The following KIAA1549L variants were observed in gnomAD, a reference collection of about 807,000 sequenced individuals.
KIAA1549L encodes KIAA1549 like.
Under a neutral mutation model 160.7 loss-of-function variants are expected in KIAA1549L, and 88 were observed. The ratio of observed to expected loss-of-function variants is 0.55; its 90% CI spans 0.46 to 0.65. The LOEUF is 0.65. Among genes scored for constraint, KIAA1549L ranks in the 30% least tolerant of loss-of-function variants. KIAA1549L has a pLI of 0.00. For missense variants in KIAA1549L, 2,258 were observed against 2,437.5 expected, an observed-to-expected ratio of 0.93 and a Z score of 1.55; for synonymous variants, 950 against 976.7, an observed-to-expected ratio of 0.97 and a Z score of 0.51.
chr11:33,398,031 C>T (rs1301400254), intron 1 of KIAA1549L, among the ~76,000 whole-genome samples: 1 of 150,128 alleles, frequency 6.7e-6, no homozygotes. Context: ...CAAGAATTCT[C>T]CTGCCTCAGC....
At chr11:33,622,868 T>C (rs1237604467) in intron 16 of KIAA1549L, among the ~76,000 whole-genome samples, 2 of 152,152 alleles carry the variant, frequency 1.3e-5, no homozygotes, top group South Asian at 4.1e-4. Flanking sequence ...CACAACAGCC[T>C]GCTGAGGAAG....
At chr11:33,425,604 A>G (rs904470646) in intron 1 of KIAA1549L, among the ~76,000 whole-genome samples, 9 of 152,210 alleles carry the variant, frequency 5.9e-5, no homozygotes, top group African/African-American at 2.2e-4. Flanking sequence ...TGAAGACAGC[A>G]TTTGGACTTG....
At chr11:33,618,728 A>T in intron 16 of KIAA1549L, 66 bp downstream of exon 16, 5 of 1,356,940 alleles carry the variant, frequency 3.7e-6, no homozygotes, top group Non-Finnish European at 4.9e-6. Context: ...GGGATAGGGC[A>T]TCCCACTGTG....
intron 15 of KIAA1549L, among the ~76,000 whole-genome samples, chr11:33,611,134 G>A (rs1850637481): frequency 6.6e-6 from 1 of 152,232 alleles, no homozygotes; most frequent in African/African-American, 2.4e-5. Flanking sequence ...GCAGAGGTTA[G>A]TGAACCCAAA....
chr11:33,502,152 C>T lies in KIAA1549L; in HGVS notation c.239-39650C>T, dbSNP rs572025423. Among the ~76,000 whole-genome samples, 433 of 152,306 alleles carry T rather than the reference C, an allele frequency of 2.8e-3. 1 individual carries two copies. Among genetic ancestry groups the T allele is most frequent in the African/African-American group, 0.01 (418 of 41,570 alleles). ...GCCTTCATGAATCAATCTTCATTTT[C>T]CCCTCTTGTTACACCAGTGATTCTG... On this transcript the variant is annotated intron_variant, in intron 1 of 20. Transcript: ENST00000658780.
intron 12 of KIAA1549L, among the ~76,000 whole-genome samples, chr11:33,594,778 C>T (rs184620156): frequency 2.0e-4 from 30 of 152,254 alleles, no homozygotes; most frequent in Non-Finnish European, 3.5e-4. Context: ...ACTGCAATCA[C>T]GCACCCAACA....
At chr11:33,452,336 G>T (rs1291977523) in intron 1 of KIAA1549L, among the ~76,000 whole-genome samples, 1 of 152,212 alleles carries the variant, frequency 6.6e-6, no homozygotes, top group African/African-American at 2.4e-5. Flanking sequence ...GGCCAGGCAT[G>T]GTGGCTCACA....
intron 1 of KIAA1549L, among the ~76,000 whole-genome samples, chr11:33,513,841 A>C (rs1853280158): frequency 6.6e-6 from 1 of 152,190 alleles, no homozygotes; most frequent in African/African-American, 2.4e-5. Context: ...TGCTAGATAG[A>C]TGTTCCTGGA....
intron 16 of KIAA1549L, among the ~76,000 whole-genome samples, chr11:33,622,213 G>A (rs2133356832): frequency 6.6e-6 from 1 of 152,274 alleles, no homozygotes; most frequent in African/African-American, 2.4e-5. Context: ...TCTATAAAAA[G>A]GGGTATCAGG....
rs140801882 is a variant in KIAA1549L at position 33,673,170 on chromosome 11, C to T, written c.*5016C>T. On this transcript the variant is annotated 3_prime_UTR_variant, in exon 21 of 21. Transcript: ENST00000658780. ...CATTACTTTAGAAGATATGCAGTTG[C>T]TCTGATTCTGCAGGTTTAAAAAAAA... 4.0e-5 allele frequency: 6 copies of T among 151,884 alleles called. No homozygotes were observed. In the East Asian group the frequency reaches 1.2e-3, roughly 29 times the overall value. 9.4% of individuals were successfully genotyped at this position (151,884 alleles called of 1,614,324 possible). A position where few individuals can be genotyped will look rare whatever the true frequency, so the allele number is the denominator to read the frequency against.
intron 1 of KIAA1549L, among the ~76,000 whole-genome samples, chr11:33,463,639 A>G (rs1392270302): frequency 6.6e-6 from 1 of 152,234 alleles, no homozygotes; most frequent in Non-Finnish European, 1.5e-5. Flanking sequence ...TGTGGATCAC[A>G]GATAATCTAA....
At chr11:33,489,374 C>T (rs940159477) in intron 1 of KIAA1549L, among the ~76,000 whole-genome samples, 1 of 152,184 alleles carries the variant, frequency 6.6e-6, no homozygotes, top group African/African-American at 2.4e-5. Context: ...ACTCTAGGGC[C>T]ATGCTGAAGG....
At chr11:33,572,644 A>G (rs113694621) in intron 9 of KIAA1549L, among the ~76,000 whole-genome samples, 2 of 152,180 alleles carry the variant, frequency 1.3e-5, no homozygotes, top group African/African-American at 4.8e-5. Flanking sequence ...AGTTTATTCA[A>G]TTTTTTTGCT....
intron 11 of KIAA1549L, among the ~76,000 whole-genome samples, chr11:33,587,185 G>A (rs1277489433): frequency 6.6e-6 from 1 of 152,146 alleles, no homozygotes; most frequent in Non-Finnish European, 1.5e-5. Context: ...TGTTACCCAT[G>A]CTTTTTTTCT....
At chr11:33,646,984 C>A (rs1302506155) in intron 17 of KIAA1549L, among the ~76,000 whole-genome samples, 1 of 151,766 alleles carries the variant, frequency 6.6e-6, no homozygotes, top group Non-Finnish European at 1.5e-5. Flanking sequence ...TGTTTAAATT[C>A]TTTACAAATA....
chr11:33,489,770 G>A (rs1852614177), intron 1 of KIAA1549L, among the ~76,000 whole-genome samples: 2 of 152,202 alleles, frequency 1.3e-5, no homozygotes, highest in Non-Finnish European at 2.9e-5. Context: ...GACATTCCAA[G>A]AATTGGCGTT....
chr11:33,396,950 C>CA (rs112460980), intron 1 of KIAA1549L, among the ~76,000 whole-genome samples: 1,098 of 105,166 alleles, frequency 0.01, 9 homozygotes, highest in East Asian at 0.055. Context: ...ACTCTGTGTC[C>CA]AAAAAAAAAA....
intron 15 of KIAA1549L, 22 bp from the exon 16 acceptor site, chr11:33,618,511 A>ATTCT: frequency 6.3e-7 from 1 of 1,593,910 alleles, no homozygotes; most frequent in Non-Finnish European, 8.6e-7. Flanking sequence ...CTGCATCATA[A>ATTCT]CAGTTGTTGA....
At chr11:33,560,033 T>C (rs1854792894) in intron 7 of KIAA1549L, 122 bp downstream of exon 7, 2 of 930,372 alleles carry the variant, frequency 2.1e-6, no homozygotes, top group African/African-American at 1.6e-5. Context: ...AGCTAAAATA[T>C]GTGATGGATT....
Sources: gnomAD v4.1 joint callset for allele counts (sites outside exome capture counted in the v4.1 genomes callset) on GRCh38, gnomAD v4.1.1 for gene constraint, MANE v1.5 for transcripts, NCBI Gene and HGNC (gene_info 2026-07-23, HGNC 2026-07-21) for gene names.